Variants in API5 observed in about 807,000 individuals in gnomAD.
API5 encodes the protein apoptosis inhibitor 5, also known as FIF.
A neutral mutation model predicts 71.9 loss-of-function variants in API5; 6 were observed. The observed-to-expected ratio is 0.08, with a 90% CI of 0.05 to 0.16. The LOEUF (loss-of-function observed/expected upper bound fraction) is 0.16, where lower values mean the gene tolerates loss of function less well. Among genes scored for constraint, API5 ranks in the 10% least tolerant of loss-of-function variants. API5 has a pLI of 1.00. For synonymous variants in API5, 189 were observed against 221.3 expected (o/e 0.85, Z 1.30); for missense variants, 332 against 612.8 (o/e 0.54, Z 4.84).
chr11:43,326,675 C>A, intron 7 of API5, 64 bp downstream of exon 7: 1 of 924,522 alleles, frequency 1.1e-6, no homozygotes, highest in Non-Finnish European at 1.7e-6. Context: ...AAATGTAAAC[C>A]ACTAACTTAG....
intron 11 of API5, among the ~76,000 whole-genome samples, 160 bp downstream of exon 11, chr11:43,330,724 C>T (rs375348264): frequency 6.4e-4 from 98 of 152,272 alleles, no homozygotes; most frequent in African/African-American, 2.3e-3. Flanking sequence ...GAAATTTCAG[C>T]GACTTAAGTT....
At chr11:43,324,844 A>T (rs1424209310) in intron 6 of API5, among the ~76,000 whole-genome samples, 1 of 151,778 alleles carries the variant, frequency 6.6e-6, no homozygotes, top group Non-Finnish European at 1.5e-5. Context: ...CACCCAGCTG[A>T]TTTTTTGTAT....
rs1855210736 is a variant in API5, at chr11:43,330,319, G to A, written c.1222-189G>A. The A allele has an allele frequency of 4.8e-6, 3 of 631,372 alleles. No homozygotes were observed. In the East Asian group the frequency reaches 8.4e-5, roughly 18 times the overall value. 39.1% of individuals were successfully genotyped at this position (631,372 alleles called of 1,614,324 possible). On this transcript the variant is annotated intron_variant, in intron 10 of 13. Transcript: ENST00000531273. ...GGAACACAGATTATTTGCTTTCTTT[G>A]CTACATCTAGATTTGTTTAGAGTCA...
chr11:43,336,297 T>C (rs763061040), intron 13 of API5: 1 of 395,034 alleles, frequency 2.5e-6, no homozygotes, highest in Non-Finnish European at 4.5e-6. Context: ...TTCCATGCTT[T>C]CCCAGTTGCA....
At chr11:43,319,415 A>G (rs547693929) in intron 2 of API5, among the ~76,000 whole-genome samples, 548 of 152,304 alleles carry the variant, frequency 3.6e-3, no homozygotes, top group Non-Finnish European at 4.3e-3. Flanking sequence ...AATTTGCTGG[A>G]TATAAACCCT....
At chr11:43,317,533 C>T (rs2134342319) in intron 1 of API5, among the ~76,000 whole-genome samples, 1 of 152,324 alleles carries the variant, frequency 6.6e-6, no homozygotes, top group Middle Eastern at 3.4e-3. Flanking sequence ...TAAAATTAAA[C>T]TGCACTTCCT....
chr11:43,331,108 G>C (rs1241441118), intron 11 of API5, among the ~76,000 whole-genome samples: 2 of 152,168 alleles, frequency 1.3e-5, no homozygotes, highest in Non-Finnish European at 2.9e-5. Flanking sequence ...GTAACACCTA[G>C]AGCAGTAGCC....
intron 6 of API5, among the ~76,000 whole-genome samples, chr11:43,324,319 A>G (rs1265013121): frequency 6.6e-6 from 1 of 152,132 alleles, no homozygotes; most frequent in African/African-American, 2.4e-5. Context: ...TGAGTGGCCA[A>G]TAAATTTTTT....
At chr11:43,335,667 A>G (rs1362341492) in intron 12 of API5, among the ~76,000 whole-genome samples, 191 bp from the exon 13 acceptor site, 1 of 152,194 alleles carries the variant, frequency 6.6e-6, no homozygotes, top group African/African-American at 2.4e-5. Context: ...AAAGGCTTGT[A>G]AATGCCTTCT....
chr11:43,318,884 A>T (rs1010601385), intron 2 of API5, 83 bp downstream of exon 2: 1 of 1,350,896 alleles, frequency 7.4e-7, no homozygotes, highest in Non-Finnish European at 1.0e-6. Flanking sequence ...AATCTGATAT[A>T]TCAGAGTACA....
intron 11 of API5, 149 bp downstream of exon 11, chr11:43,330,713 A>G: frequency 1.6e-6 from 1 of 643,324 alleles, no homozygotes; most frequent in Middle Eastern, 4.2e-4. Context: ...ATACAGTCTC[A>G]GAAATTTCAG....
In API5 at chr11:43,312,187, A is replaced by T. The variant is rs763017669; in HGVS notation, c.60A>T (p.Gln20His). 1 of 1,613,764 alleles carries T rather than the reference A, an allele frequency of 6.2e-7. No individual in the cohort carries two copies. The highest frequency in any genetic ancestry group is 1.3e-5 in the African/African-American group (1 of 74,924). ...GCATCCTGGCCGATGCCACGGAGCA[A>T]GTGGGCCAGGTGAGTTGAGTCCCCG... Reference protein sequence around the residue: ...NYGILADATEQVGQHKDAYQV... With the variant: ...NYGILADATEHVGQHKDAYQV... The change falls in exon 1 of 14, where the codon CAA (glutamine) becomes CAT (histidine). Residue 20 changes from glutamine to histidine, a missense_variant. Around this residue, in one of 3 missense-constraint regions of API5, gnomAD observed 127 missense variants for 237.6 expected, o/e 0.53. Transcript: ENST00000531273.
chr11:43,332,452 G>GT (rs1353879001), intron 11 of API5, among the ~76,000 whole-genome samples: 3 of 152,078 alleles, frequency 2.0e-5, no homozygotes. Context: ...CAAACCTTAG[G>GT]TTTGGTTAAA....
At chr11:43,317,628 T>C (rs1338010256) in intron 1 of API5, among the ~76,000 whole-genome samples, 1 of 152,220 alleles carries the variant, frequency 6.6e-6, no homozygotes, top group Non-Finnish European at 1.5e-5. Context: ...AATTTTTGTT[T>C]AAGTAAATAC....
chr11:43,321,468 A>G lies in API5; in HGVS notation c.383A>G (p.Asp128Gly). 1 of 1,609,014 alleles carries G rather than the reference A, an allele frequency of 6.2e-7. No individual in the cohort carries two copies. Among genetic ancestry groups the G allele is most frequent in the East Asian group, 2.2e-5 (1 of 44,738 alleles). Residue 128 changes from aspartate (D) to glycine (G), a missense_variant, in exon 4 of 14, where the codon GAT becomes GGT. Physicochemically the swap from Asp to Gly is moderately conservative, Grantham distance 94. Transcript: ENST00000531273. ...NNALLSIFKMDAKGTLGGLFS... is the reference protein window; with the variant it reads ...NNALLSIFKMGAKGTLGGLFS... Reference sequence around the variant, plus strand: ...GCCCTATTAAGTATATTTAAAATGGATGCAAAAGGTAAGGCCAGTTCTTAT... The same window carrying G: ...GCCCTATTAAGTATATTTAAAATGGGTGCAAAAGGTAAGGCCAGTTCTTAT...
intron 13 of API5, among the ~76,000 whole-genome samples, chr11:43,337,302 G>C (rs770378798): frequency 2.6e-5 from 4 of 152,052 alleles, no homozygotes; most frequent in Non-Finnish European, 5.9e-5. Flanking sequence ...ACTCCAGCTG[G>C]GTGACCAAGC....
intron 5 of API5, 39 bp from the exon 6 acceptor site, chr11:43,323,391 T>C (rs887723401): frequency 2.2e-5 from 34 of 1,530,342 alleles, no homozygotes; most frequent in Non-Finnish European, 2.9e-5. Flanking sequence ...CCCATTCAAA[T>C]GATGAACATA....
chr11:43,312,222 C>A (rs757402510), intron 1 of API5, 26 bp downstream of exon 1: 2 of 1,610,102 alleles, frequency 1.2e-6, no homozygotes, highest in Non-Finnish European at 1.7e-6. Flanking sequence ...GGGCGGCCTG[C>A]AGGGCCTGGC....
chr11:43,336,075 A>C (rs894506915), intron 13 of API5, 81 bp downstream of exon 13: 1 of 1,517,696 alleles, frequency 6.6e-7, no homozygotes, highest in South Asian at 1.3e-5. Flanking sequence ...TAGTAATTAT[A>C]TACAGTGTCA....
Sources: allele counts gnomAD v4.1 joint callset (sites outside exome capture counted in the v4.1 genomes callset), GRCh38; gene constraint gnomAD v4.1.1; regional missense constraint gnomAD v4.1.1; transcripts MANE v1.5; gene names NCBI Gene and HGNC (gene_info 2026-07-23, HGNC 2026-07-21).